The following MYLIP variants were observed in gnomAD, a reference collection of about 807,000 sequenced individuals.
MYLIP encodes the protein myosin regulatory light chain interacting protein.
A neutral mutation model predicts 45.8 loss-of-function variants in MYLIP; 26 were observed. That is an observed-to-expected ratio of 0.57 (90% CI 0.42 to 0.79). MYLIP has a LOEUF of 0.79. Ranked by LOEUF, MYLIP falls within the 30% of genes least tolerant of loss-of-function variation. The pLI is 0.00. For synonymous variants in MYLIP, 213 were observed against 218.1 expected, an observed-to-expected ratio of 0.98 and a Z score of 0.21; for missense variants, 494 against 555.6, an observed-to-expected ratio of 0.89 and a Z score of 1.11.
At chr6:16,134,852 A>G (rs930055506) in intron 2 of MYLIP, among the ~76,000 whole-genome samples, 10 of 152,218 alleles carry the variant, frequency 6.6e-5, no homozygotes, top group African/African-American at 2.4e-4. Flanking sequence ...TGTTTATTTC[A>G]GCCAAGGAAC....
chr6:16,133,557 G>A (rs936781182), intron 2 of MYLIP, among the ~76,000 whole-genome samples: 2 of 152,186 alleles, frequency 1.3e-5, no homozygotes, highest in Admixed American at 1.3e-4. Context: ...AAAATGAATA[G>A]TGAAACAAAT....
At position 16,147,730 on chromosome 6, in the gene MYLIP, T is replaced by C. The variant is rs1170711388; in HGVS notation, c.*979T>C. ...TTACCATAAGTATTTAGATATGGTG[T>C]CCTTTTCTGTTTTTGGGGGGGGAGT... On this transcript the variant is annotated 3_prime_UTR_variant, in exon 7 of 7. Transcript: ENST00000356840. The C allele has an allele frequency of 6.6e-6, 1 of 152,578 alleles. No individual in the cohort carries two copies. The highest frequency in any genetic ancestry group is 1.5e-5 in the Non-Finnish European group (1 of 68,028). 9.5% of individuals were successfully genotyped at this position (152,578 alleles called of 1,614,324 possible).
Position 16,129,621 on chromosome 6 carries a change from G to A in MYLIP, c.87+212G>A, listed in dbSNP as rs1022823569. ...TGCGCGGAGAAAGCGCGCAGCGGGG[G>A]TCCCCAGCGCTGAGGGCCGGGCGCA... On this transcript the variant is annotated intron_variant, in intron 1 of 6. Transcript: ENST00000356840. The surrounding 1 kb of genome is among the most constrained non-coding windows in gnomAD (Gnocchi z 5.1). Among the ~76,000 whole-genome samples the A allele has an allele frequency of 6.6e-6, 1 of 152,296 alleles. No homozygotes were observed. Among genetic ancestry groups the A allele is most frequent in the Admixed American group, 6.5e-5 (1 of 15,306 alleles).
downstream of MYLIP, among the ~76,000 whole-genome samples, chr6:16,151,507 A>G (rs975323151): frequency 2.0e-5 from 3 of 152,220 alleles, no homozygotes; most frequent in Admixed American, 2.0e-4. Flanking sequence ...CATCTGACCA[A>G]GCAATGGGGA....
In MYLIP at chr6:16,143,819, C is replaced by T. The variant is rs777230333; in HGVS notation, c.783C>T (p.Ala261=). The stretch of plus-strand genomic sequence containing the variant: ...TTAAAATGATCAGCACCAGGGCGGC[C>T]AGCGGGCTCTACCGAGCGATAACAG... ...LLFKMISTRA[A]SGLYRAITET... Residue 261 remains alanine, a synonymous_variant, in exon 5 of 7, where the codon GCC becomes GCT. Coordinates refer to ENST00000356840, the MANE Select transcript of MYLIP (RefSeq NM_013262.4). 1.2e-6 allele frequency: 2 copies of T among 1,613,240 alleles called. No homozygotes were observed. The highest frequency in any genetic ancestry group is 1.7e-6 in the Non-Finnish European group (2 of 1,179,856).
rs34627146 is a variant in MYLIP at position 16,143,849 on chromosome 6, G to A, written c.813G>A (p.Thr271=). 11,557 of 1,613,008 alleles carry A rather than the reference G, an allele frequency of 7.2e-3. 60 individuals carry two copies. Among genetic ancestry groups the A allele is most frequent in the African/African-American group, 0.018 (1,336 of 74,674 alleles). ...GGCTCTACCGAGCGATAACAGAGAC[G>A]CACGCATTCTACAGGCACGTATCTC... is the stretch of plus-strand genomic sequence containing the variant. ...ASGLYRAITE[T]HAFYRCDTVT... The change falls in exon 5 of 7, where the codon ACG becomes ACA. Residue 271 remains threonine, a synonymous_variant. Coordinates refer to ENST00000356840, the MANE Select transcript of MYLIP (RefSeq NM_013262.4).
chr6:16,161,476 G>A, the MYLIP span: 4 of 158,424 alleles, frequency 2.5e-5, no homozygotes, highest in East Asian at 3.8e-4. Context: ...TGGGAAGATG[G>A]ATTTGGAGGA....
downstream of MYLIP, among the ~76,000 whole-genome samples, chr6:16,151,356 CAA>C (rs35224127): frequency 7.3e-6 from 1 of 137,790 alleles, no homozygotes. Flanking sequence ...GACTCCATCT[CAA>C]AAAAAAAAAG....
At chr6:16,145,978 T>G (rs1305301598) in intron 6 of MYLIP, among the ~76,000 whole-genome samples, 1 of 152,270 alleles carries the variant, frequency 6.6e-6, no homozygotes, top group Non-Finnish European at 1.5e-5. Flanking sequence ...CAAATGTCAC[T>G]GTGGTTTTAT....
chr6:16,141,548 CTG>C (rs756957678), intron 2 of MYLIP, 75 bp from the exon 3 acceptor site: 3 of 1,332,606 alleles, frequency 2.3e-6, no homozygotes, highest in South Asian at 3.1e-5. Flanking sequence ...TTAAAAGTGA[CTG>C]TGAAATTGCT....
At chr6:16,153,775 G>A in the MYLIP span, among the ~76,000 whole-genome samples, 1 of 152,198 alleles carries the variant, frequency 6.6e-6, no homozygotes. Flanking sequence ...TACATATGAG[G>A]TGTGACACCC....
chr6:16,142,609 G>A (rs1196530514), intron 3 of MYLIP, among the ~76,000 whole-genome samples: 1 of 152,218 alleles, frequency 6.6e-6, no homozygotes, highest in Non-Finnish European at 1.5e-5. Flanking sequence ...ACTGAGGGTG[G>A]CCTCCATGCC....
the MYLIP span, among the ~76,000 whole-genome samples, chr6:16,158,853 G>C: frequency 6.6e-6 from 1 of 152,190 alleles, no homozygotes; most frequent in Non-Finnish European, 1.5e-5. Context: ...CTGGGCGGCA[G>C]AGCAAGACTC....
chr6:16,149,789 A>G (rs1759855841), downstream of MYLIP, among the ~76,000 whole-genome samples: 1 of 152,250 alleles, frequency 6.6e-6, no homozygotes, highest in Admixed American at 6.5e-5. Flanking sequence ...ACAGAGTCAA[A>G]ATACTTTAGA....
chr6:16,140,746 G>T (rs1759652663), intron 2 of MYLIP, among the ~76,000 whole-genome samples: 1 of 152,198 alleles, frequency 6.6e-6, no homozygotes, highest in Admixed American at 6.5e-5. Context: ...TGGCTGGAAA[G>T]CTGGGGCCAG....
chr6:16,149,794 T>A (rs1402997850), downstream of MYLIP, among the ~76,000 whole-genome samples: 1 of 152,238 alleles, frequency 6.6e-6, no homozygotes, highest in Non-Finnish European at 1.5e-5. Context: ...GTCAAAATAC[T>A]TTAGAAATAT....
At chr6:16,153,724 A>C in the MYLIP span, among the ~76,000 whole-genome samples, 1 of 152,218 alleles carries the variant, frequency 6.6e-6, no homozygotes, top group African/African-American at 2.4e-5. Context: ...CGCGAGAGCC[A>C]GGCAAAGCTG....
chr6:16,156,676 T>C, the MYLIP span, among the ~76,000 whole-genome samples: 1 of 152,208 alleles, frequency 6.6e-6, no homozygotes, highest in East Asian at 1.9e-4. Flanking sequence ...TACTAGAACT[T>C]GAATATCCGT....
intron 2 of MYLIP, among the ~76,000 whole-genome samples, chr6:16,134,993 C>G (rs1759522052): frequency 6.6e-6 from 1 of 152,154 alleles, no homozygotes; most frequent in Non-Finnish European, 1.5e-5. Context: ...TAGGGTCAGA[C>G]TCAAGGTGAC....
Sources: allele counts gnomAD v4.1 joint callset (sites outside exome capture counted in the v4.1 genomes callset), GRCh38; gene constraint gnomAD v4.1.1; non-coding constraint Gnocchi (gnomAD v3.1); transcripts MANE v1.5; gene names NCBI Gene and HGNC (gene_info 2026-07-23, HGNC 2026-07-21).